ATG7: variants seen among roughly 807,000 people sequenced by gnomAD.
ATG7 encodes the protein ubiquitin-like modifier-activating enzyme ATG7.
Under a neutral mutation model 82.4 loss-of-function variants are expected in ATG7, and 70 were observed. The ratio of observed to expected loss-of-function variants is 0.85; its 90% CI spans 0.70 to 1.04. ATG7 has a LOEUF of 1.04. Among genes scored for constraint, ATG7 ranks in the 50% least tolerant of loss-of-function variants. The probability of loss-of-function intolerance (pLI) is 0.00; values close to 1 mark genes in which losing one functional copy is unlikely to be tolerated. For synonymous variants in ATG7, 287 were observed against 313.0 expected (o/e 0.92, Z 0.88); for missense variants, 792 against 864.3 (o/e 0.92, Z 1.05).
the ATG7 span, among the ~76,000 whole-genome samples, chr3:11,575,442 CGTGTGT>C: frequency 6.6e-6 from 1 of 152,196 alleles, no homozygotes; most frequent in African/African-American, 2.4e-5. Flanking sequence ...GAATGTGCAT[CGTGTGT>C]GAGTCTGCCC....
Position 11,556,488 on chromosome 3 carries a change from C to T in ATG7, c.*1645C>T, listed in dbSNP as rs1465868505. The T allele has an allele frequency of 1.3e-5, 2 of 152,716 alleles. No homozygotes were observed. The highest frequency in any genetic ancestry group is 2.9e-5 in the Non-Finnish European group (2 of 68,030). The allele number at this position is 152,716 out of a possible 1,614,324, so 9.5% of individuals were successfully genotyped here. On this transcript the variant is annotated 3_prime_UTR_variant, in exon 21 of 21. Transcript: ENST00000693202. ...GAGCCGGTCAGCTGTGGGTGGTTTT[C>T]CTGTTACGACGCTCAGTAGCCTGTA...
chr3:11,449,493 G>A (rs1288479187), intron 20 of ATG7, among the ~76,000 whole-genome samples: 1 of 152,194 alleles, frequency 6.6e-6, no homozygotes, highest in East Asian at 1.9e-4. Flanking sequence ...TTGAGACTGA[G>A]AGGGTGAGAG....
chr3:11,379,789 GTTC>G (rs1235397652), intron 18 of ATG7, among the ~76,000 whole-genome samples, 180 bp from the exon 19 acceptor site: 3 of 152,184 alleles, frequency 2.0e-5, no homozygotes, highest in Non-Finnish European at 4.4e-5. Flanking sequence ...ACCTAATATA[GTTC>G]TTCTGCAAAC....
At position 11,511,289 on chromosome 3, in the gene ATG7, G is replaced by T. The variant is rs549214034; in HGVS notation, c.2080-43522G>T. On this transcript the variant is annotated intron_variant, in intron 20 of 20. Coordinates refer to ENST00000693202, the MANE Select transcript of ATG7 (RefSeq NM_001349232.2). ...GGCCTGTTTTGTCAGGGCGCTGATT[G>T]GTGCGTTTACAATCCCTGAGCTAGA... Among the ~76,000 whole-genome samples the T allele has an allele frequency of 2.3e-4, 35 of 152,142 alleles. 1 individual carries two copies. In the South Asian group the frequency reaches 6.6e-3, roughly 29 times the overall value.
intron 20 of ATG7, among the ~76,000 whole-genome samples, chr3:11,449,572 A>G (rs1176520445): frequency 6.6e-6 from 1 of 152,196 alleles, no homozygotes; most frequent in African/African-American, 2.4e-5. Context: ...GTGATTCTAG[A>G]GAGAATGATT....
the ATG7 span, among the ~76,000 whole-genome samples, chr3:11,573,245 GAGAAAGAAAGAAAGAA>G: frequency 3.5e-3 from 276 of 78,746 alleles, 9 homozygotes; most frequent in Admixed American, 7.1e-3. Flanking sequence ...AAAAGAAATA[GAGAAAGAAAGAAAGAA>G]AGAAAGAAAG....
chr3:11,497,877 GT>G (rs1322174527), intron 20 of ATG7, among the ~76,000 whole-genome samples: 1 of 152,076 alleles, frequency 6.6e-6, no homozygotes, highest in Non-Finnish European at 1.5e-5. Context: ...GACATAAATG[GT>G]TCACGAAAGT....
chr3:11,373,323 G>C (rs1180891797), intron 18 of ATG7, among the ~76,000 whole-genome samples: 2 of 152,174 alleles, frequency 1.3e-5, no homozygotes, highest in Non-Finnish European at 2.9e-5. Context: ...ACTATTTTTA[G>C]AAAATGCGCA....
chr3:11,506,553 A>AC (rs2091725597), intron 20 of ATG7, among the ~76,000 whole-genome samples: 2 of 41,304 alleles, frequency 4.8e-5, no homozygotes, highest in Non-Finnish European at 8.6e-5. Flanking sequence ...CCCCATCTCT[A>AC]CAAAAAAAAA....
chr3:11,493,841 C>A (rs1325212748), intron 20 of ATG7, among the ~76,000 whole-genome samples: 1 of 152,170 alleles, frequency 6.6e-6, no homozygotes, highest in Non-Finnish European at 1.5e-5. Context: ...AGTTAAACTT[C>A]TAGAAGTTGA....
chr3:11,296,918 A>G (rs764198652), intron 3 of ATG7, among the ~76,000 whole-genome samples: 6 of 152,108 alleles, frequency 3.9e-5, no homozygotes, highest in Non-Finnish European at 8.8e-5. Flanking sequence ...CTAACTTTGT[A>G]TTTCATTATA....
At chr3:11,308,134 T>G (rs1948061217) in intron 6 of ATG7, among the ~76,000 whole-genome samples, 1 of 152,188 alleles carries the variant, frequency 6.6e-6, no homozygotes, top group Non-Finnish European at 1.5e-5. Context: ...GTGGTCCAGC[T>G]TCTCCAAGGC....
intron 20 of ATG7, 127 bp from the exon 21 acceptor site, chr3:11,554,684 T>A: frequency 8.7e-7 from 1 of 1,145,490 alleles, no homozygotes; most frequent in South Asian, 1.5e-5. Flanking sequence ...GGGGTGACAG[T>A]CCCTCAGAAA....
chr3:11,438,083 T>C (rs1319074887), intron 20 of ATG7, among the ~76,000 whole-genome samples: 2 of 152,184 alleles, frequency 1.3e-5, no homozygotes, highest in African/African-American at 4.8e-5. Context: ...TTAATTCCCT[T>C]GACACCCTCA....
chr3:11,441,495 G>T (rs983540328), intron 20 of ATG7, among the ~76,000 whole-genome samples: 1 of 151,754 alleles, frequency 6.6e-6, no homozygotes, highest in Non-Finnish European at 1.5e-5. Flanking sequence ...ACCCACCTCG[G>T]CCTCCGAAAG....
At chr3:11,355,080 G>GT (rs2075841976) in intron 14 of ATG7, among the ~76,000 whole-genome samples, 1 of 152,226 alleles carries the variant, frequency 6.6e-6, no homozygotes, top group Non-Finnish European at 1.5e-5. Context: ...GAGTGCCTCG[G>GT]TAGCACCTTG....
intron 7 of ATG7, among the ~76,000 whole-genome samples, chr3:11,310,666 T>C (rs1175748173): frequency 6.6e-6 from 1 of 151,350 alleles, no homozygotes; most frequent in African/African-American, 2.4e-5. Flanking sequence ...GGAGTCTCGC[T>C]CTGTCACCCA....
At chr3:11,480,788 T>C (rs1053535903) in intron 20 of ATG7, among the ~76,000 whole-genome samples, 1 of 152,202 alleles carries the variant, frequency 6.6e-6, no homozygotes, top group African/African-American at 2.4e-5. Context: ...AAGGCTTTCC[T>C]GGGAGAGCGA....
chr3:11,486,152 T>TA (rs2089623420), intron 20 of ATG7, among the ~76,000 whole-genome samples: 1 of 152,226 alleles, frequency 6.6e-6, no homozygotes, highest in South Asian at 2.1e-4. Context: ...ATTTTCATGA[T>TA]ATTGATTCTT....
Sources: gnomAD v4.1 joint callset for allele counts (sites outside exome capture counted in the v4.1 genomes callset) on GRCh38, gnomAD v4.1.1 for gene constraint, MANE v1.5 for transcripts, NCBI Gene and HGNC (gene_info 2026-07-23, HGNC 2026-07-21) for gene names.